The following BAIAP2L1 variants were observed in gnomAD, a reference collection of about 807,000 sequenced individuals.
The protein encoded by BAIAP2L1 is BAR/IMD domain containing adaptor protein 2 like 1, also known as BAR/IMD domain-containing adapter protein 2-like 1.
A neutral mutation model predicts 66.3 loss-of-function variants in BAIAP2L1; 35 were observed. The ratio of observed to expected loss-of-function variants is 0.53; its 90% confidence interval spans 0.40 to 0.70. BAIAP2L1 has a LOEUF of 0.70. Among genes scored for constraint, BAIAP2L1 ranks in the 30% least tolerant of loss-of-function variants. BAIAP2L1 has a pLI of 0.00. For missense variants in BAIAP2L1, 622 were observed against 656.9 expected, an observed-to-expected ratio of 0.95 and a Z score of 0.58; for synonymous variants, 269 against 248.7, an observed-to-expected ratio of 1.08 and a Z score of -0.77.
At chr7:98,325,363 AAAAT>A (rs1376368912) in intron 3 of BAIAP2L1, among the ~76,000 whole-genome samples, 1 of 149,950 alleles carries the variant, frequency 6.7e-6, no homozygotes. Context: ...GCAAGACTCT[AAAAT>A]AAATAAATAA....
chr7:98,325,403 T>A (rs1801357778), intron 3 of BAIAP2L1, among the ~76,000 whole-genome samples: 1 of 151,188 alleles, frequency 6.6e-6, no homozygotes, highest in Admixed American at 6.6e-5. Context: ...GGAGGCCAGG[T>A]GTGGTGGCTC....
At chr7:98,359,604 G>A (rs984724050) in intron 2 of BAIAP2L1, among the ~76,000 whole-genome samples, 2 of 151,978 alleles carry the variant, frequency 1.3e-5, no homozygotes, top group Non-Finnish European at 2.9e-5. Context: ...AGTAGTGTCT[G>A]CCTGCTGAAA....
intron 3 of BAIAP2L1, among the ~76,000 whole-genome samples, chr7:98,353,259 CA>C (rs1438073870): frequency 1.3e-5 from 2 of 148,954 alleles, no homozygotes; most frequent in Non-Finnish European, 3.0e-5. Context: ...GAGGCCAAGG[CA>C]GGGGGAATCC....
chr7:98,333,426 C>A (rs990135251), intron 3 of BAIAP2L1, among the ~76,000 whole-genome samples: 2 of 151,954 alleles, frequency 1.3e-5, no homozygotes, highest in African/African-American at 4.8e-5. Context: ...GGTGAAACCT[C>A]ACCTCTACTA....
rs369091360 is a variant in BAIAP2L1, at chr7:98,393,098, C to G, written c.51+7704G>C. ...ATACACACACATATATACATATATA[C>G]GTGTACATATATGTACACATATATG... On this transcript the variant is annotated intron_variant, in intron 1 of 13. Transcript: ENST00000005260. 2.0e-5 allele frequency among the ~76,000 whole-genome samples: 2 copies of G among 101,886 alleles called. 1 individual carries two copies. Among genetic ancestry groups the G allele is most frequent in the African/African-American group, 9.5e-5 (2 of 21,138 alleles). The allele number at this position is 101,886 out of a possible 152,430, so 66.8% of individuals were successfully genotyped here. A position where few individuals can be genotyped will look rare whatever the true frequency, so the allele number is the denominator to read the frequency against.
At chr7:98,329,824 CT>C (rs1184902495) in intron 3 of BAIAP2L1, among the ~76,000 whole-genome samples, 1 of 152,154 alleles carries the variant, frequency 6.6e-6, no homozygotes, top group Non-Finnish European at 1.5e-5. Flanking sequence ...GATTCTTCCC[CT>C]CCCCAGTACT....
At position 98,304,261 on chromosome 7, in the gene BAIAP2L1, C is replaced by T. The variant is rs1385670427; in HGVS notation, c.1357G>A (p.Ala453Thr). The change falls in exon 12 of 14, where the codon GCA becomes ACA. Residue 453 changes from alanine (A) to threonine (T), a missense_variant. Physicochemically the swap from Ala to Thr is moderately conservative, Grantham distance 58. Transcript: ENST00000005260. ...GTGGATGTCGTCCTGGCCGAATCTG[C>T]TCTCCTGTCGGCAGCTGCCCCCATG... ...LSMGAAADRR[A>T]DSARTTSTFK... is the part of the protein sequence containing the mutation. 2 of 1,613,760 alleles carry T rather than the reference C, an allele frequency of 1.2e-6. No homozygotes were observed. The highest frequency in any genetic ancestry group is 1.7e-6 in the Non-Finnish European group (2 of 1,179,836).
At chr7:98,299,830 C>G (rs186043410) in intron 12 of BAIAP2L1, among the ~76,000 whole-genome samples, 388 of 152,244 alleles carry the variant, frequency 2.5e-3, no homozygotes, top group Non-Finnish European at 4.5e-3. Flanking sequence ...CACCTGAGAT[C>G]AGGAGTTCGA....
At chr7:98,358,038 T>C (rs904530344) in intron 2 of BAIAP2L1, among the ~76,000 whole-genome samples, 1 of 152,218 alleles carries the variant, frequency 6.6e-6, no homozygotes, top group Admixed American at 6.5e-5. Context: ...GATGTTAAGT[T>C]GTAAAGTACT....
rs199641849 is a variant in BAIAP2L1 at position 98,362,402 on chromosome 7, G to C, written c.82C>G (p.Arg28Gly). The C allele has an allele frequency of 1.9e-6, 3 of 1,612,312 alleles. No homozygotes were observed. The highest frequency in any genetic ancestry group is 2.5e-6 in the Non-Finnish European group (3 of 1,179,420). Residue 28 changes from arginine to glycine, a missense_variant, in exon 2 of 14, where the codon CGA (arginine) becomes GGA (glycine). Physicochemically the swap from Arg to Gly is moderately radical, Grantham distance 125. Coordinates refer to ENST00000005260, the MANE Select transcript of BAIAP2L1 (RefSeq NM_018842.5). ...NVMEQFNPGL[R>G]NLINLGKNYE... ...TTTTTCCCCAGGTTTATTAAATTTCGCAGCCCAGGATTGAACTGTTCCATA... is the reference window on the plus strand; with the variant it reads ...TTTTTCCCCAGGTTTATTAAATTTCCCAGCCCAGGATTGAACTGTTCCATA...
At chr7:98,324,020 G>A (rs779175360) in intron 3 of BAIAP2L1, among the ~76,000 whole-genome samples, 16 of 151,374 alleles carry the variant, frequency 1.1e-4, no homozygotes, top group Non-Finnish European at 1.9e-4. Flanking sequence ...TTTGAAAAGG[G>A]GGAAAAAAAA....
chr7:98,388,858 C>T (rs1802956157), intron 1 of BAIAP2L1, among the ~76,000 whole-genome samples: 1 of 151,846 alleles, frequency 6.6e-6, no homozygotes, highest in Admixed American at 6.6e-5. Context: ...CCTGTAGTCC[C>T]AGCTACTTGG....
intron 3 of BAIAP2L1, among the ~76,000 whole-genome samples, chr7:98,328,679 CAA>C (rs1158387861): frequency 4.4e-4 from 25 of 56,640 alleles, no homozygotes; most frequent in South Asian, 5.1e-4. Context: ...GATCCCATCT[CAA>C]AAAAAAAAAA....
At chr7:98,389,918 A>ATT (rs750099451) in intron 1 of BAIAP2L1, among the ~76,000 whole-genome samples, 4 of 129,752 alleles carry the variant, frequency 3.1e-5, no homozygotes, top group African/African-American at 5.4e-5. Flanking sequence ...GGGTTAGTAA[A>ATT]TTTTTTTTTT....
Position 98,305,389 on chromosome 7 carries a change from C to T in BAIAP2L1, c.1242-1013G>A, listed in dbSNP as rs138070590. On this transcript the variant is annotated intron_variant, in intron 11 of 13. Coordinates refer to ENST00000005260, the MANE Select transcript of BAIAP2L1 (RefSeq NM_018842.5). Reference sequence around the variant, plus strand: ...AAAGTGTTACTCAGTTTTTGTTCCCCAGCACAATGGCATTTTAGCTCTTCT... The same window carrying T: ...AAAGTGTTACTCAGTTTTTGTTCCCTAGCACAATGGCATTTTAGCTCTTCT... Among the ~76,000 whole-genome samples, 50 of 152,106 alleles carry T rather than the reference C, an allele frequency of 3.3e-4. 1 individual carries two copies. The highest frequency in any genetic ancestry group is 1.2e-3 in the African/African-American group (49 of 41,496).
At chr7:98,340,654 G>A (rs1220437318) in intron 3 of BAIAP2L1, among the ~76,000 whole-genome samples, 1 of 152,080 alleles carries the variant, frequency 6.6e-6, no homozygotes, top group African/African-American at 2.4e-5. Flanking sequence ...CTGAGAGAAG[G>A]AATGTTCTTC....
chr7:98,363,280 G>A (rs956306328), intron 1 of BAIAP2L1, among the ~76,000 whole-genome samples: 9 of 151,738 alleles, frequency 5.9e-5, no homozygotes, highest in African/African-American at 1.9e-4. Context: ...GGTTATCCGC[G>A]TACCTTGGCC....
At chr7:98,329,439 G>T (rs965538788) in intron 3 of BAIAP2L1, among the ~76,000 whole-genome samples, 1 of 152,064 alleles carries the variant, frequency 6.6e-6, no homozygotes, top group African/African-American at 2.4e-5. Flanking sequence ...CAGTCTTTGC[G>T]GGCGGTCCCC....
chr7:98,305,047 G>T lies in BAIAP2L1; in HGVS notation c.1242-671C>A, dbSNP rs376244353. On this transcript the variant is annotated intron_variant, in intron 11 of 13. Coordinates refer to ENST00000005260, the MANE Select transcript of BAIAP2L1 (RefSeq NM_018842.5). ...CGCCCAGCTAATTTTTTTGTTTTTT[G>T]TTTTTTTTTTTTTTTTTTTTTTTAG... Among the ~76,000 whole-genome samples the T allele has an allele frequency of 2.1e-3, 213 of 100,366 alleles. 1 individual carries two copies. The highest frequency in any genetic ancestry group is 8.5e-3 in the South Asian group (20 of 2,356). 65.8% of individuals were successfully genotyped at this position (100,366 alleles called of 152,430 possible).
Sources: allele counts gnomAD v4.1 joint callset (sites outside exome capture counted in the v4.1 genomes callset), GRCh38; gene constraint gnomAD v4.1.1; transcripts MANE v1.5; gene names NCBI Gene and HGNC (gene_info 2026-07-23, HGNC 2026-07-21).